FLVCR2: variants seen among roughly 807,000 people sequenced by gnomAD.
FLVCR2 encodes the protein FLVCR choline and putative heme transporter 2, also known as choline/ethanolamine transporter FLVCR2.
FLVCR2 carries 38 observed loss-of-function variants against 48.9 expected under a neutral mutation model. The observed-to-expected ratio is 0.78, with a 90% CI of 0.60 to 1.02. The LOEUF (loss-of-function observed/expected upper bound fraction) is 1.02, where lower values mean the gene tolerates loss of function less well. Ranked by LOEUF, FLVCR2 falls within the 50% of genes least tolerant of loss-of-function variation. The pLI, the probability that FLVCR2 is intolerant of heterozygous loss-of-function variation, is 0.00. For missense variants in FLVCR2, 664 were observed against 663.3 expected (o/e 1.00, Z -0.01); for synonymous variants, 255 against 257.0 (o/e 0.99, Z 0.07).
chr14:75,590,183 C>G (rs979833413), intron 1 of FLVCR2, among the ~76,000 whole-genome samples: 1 of 152,194 alleles, frequency 6.6e-6, no homozygotes, highest in Non-Finnish European at 1.5e-5. Context: ...ACAACCCACT[C>G]TCTTAGGAAC....
At chr14:75,611,300 G>T (rs1489806782) in intron 1 of FLVCR2, among the ~76,000 whole-genome samples, 4 of 152,188 alleles carry the variant, frequency 2.6e-5, no homozygotes, top group Non-Finnish European at 5.9e-5. Context: ...AGTGTCGGGT[G>T]TGAGGGCAGT....
intron 1 of FLVCR2, chr14:75,604,320 T>G: frequency 6.6e-6 from 1 of 152,266 alleles, no homozygotes; most frequent in East Asian, 1.9e-4. Context: ...TTCATAGGTT[T>G]GGGCTTCTTT....
chr14:75,611,933 A>C (rs1889465534), intron 1 of FLVCR2, among the ~76,000 whole-genome samples: 1 of 152,178 alleles, frequency 6.6e-6, no homozygotes, highest in African/African-American at 2.4e-5. Context: ...ATTTAAGACC[A>C]GCGCCTTTAA....
At chr14:75,591,028 C>T (rs765614774) in intron 1 of FLVCR2, among the ~76,000 whole-genome samples, 16 of 152,158 alleles carry the variant, frequency 1.1e-4, no homozygotes, top group Non-Finnish European at 1.8e-4. Context: ...CAATATACAA[C>T]GGTTGCACAG....
chr14:75,621,500 A>G (rs192257274), intron 1 of FLVCR2, among the ~76,000 whole-genome samples: 3 of 152,080 alleles, frequency 2.0e-5, no homozygotes, highest in African/African-American at 4.8e-5. Context: ...CCTATCTCCT[A>G]TGTGTATAAA....
chr14:75,613,824 T>G (rs1889530138), intron 1 of FLVCR2, among the ~76,000 whole-genome samples: 1 of 152,188 alleles, frequency 6.6e-6, no homozygotes, highest in Non-Finnish European at 1.5e-5. Context: ...GTGCTGGGAT[T>G]ATAGGCATGA....
chr14:75,589,731 C>T (rs1025325787), intron 1 of FLVCR2, among the ~76,000 whole-genome samples: 2 of 152,250 alleles, frequency 1.3e-5, no homozygotes. Context: ...GCCACCATGG[C>T]ACCATAGCTC....
intron 1 of FLVCR2, among the ~76,000 whole-genome samples, chr14:75,613,444 T>C (rs1490749181): frequency 6.6e-6 from 1 of 152,172 alleles, no homozygotes; most frequent in East Asian, 1.9e-4. Flanking sequence ...GGAATGATGA[T>C]GGCACTAAAC....
rs1890302072 is a variant in FLVCR2, at chr14:75,641,225, A to G, written c.1385A>G (p.Asp462Gly). 1 of 1,614,042 alleles carries G rather than the reference A, an allele frequency of 6.2e-7. No homozygotes were observed. The highest frequency in any genetic ancestry group is 1.3e-5 in the African/African-American group (1 of 74,994). Reference protein sequence around the residue: ...IFTISQGQIIDNYGTKPGNIF... With the variant: ...IFTISQGQIIGNYGTKPGNIF... The stretch of plus-strand genomic sequence containing the variant: ...ACCATCTCCCAGGGCCAGATTATTG[A>G]CAACTATGGAACCAAGCCTGGGAAC... The change falls in exon 8 of 10, where the codon GAC becomes GGC. Residue 462 changes from aspartate (D) to glycine (G), a missense_variant. Transcript: ENST00000238667.
At position 75,579,236 on chromosome 14, in the gene FLVCR2, C is replaced by T; in HGVS notation, c.264C>T (p.Val88=). 3 of 1,614,200 alleles carry T rather than the reference C, an allele frequency of 1.9e-6. No individual in the cohort carries two copies. The highest frequency in any genetic ancestry group is 2.5e-6 in the Non-Finnish European group (3 of 1,180,042). ...IKVSRRRWAV[V]LVFSCYSMCN... is the part of the protein sequence containing the mutation. The stretch of plus-strand genomic sequence containing the variant: ...TGAGCAGGCGCCGTTGGGCCGTGGT[C>T]CTGGTGTTTAGCTGCTACTCCATGT... Residue 88 remains valine, a synonymous_variant, in exon 1 of 10, where the codon GTC becomes GTT. Transcript: ENST00000238667.
chr14:75,609,715 AG>A (rs1441781033), intron 1 of FLVCR2, among the ~76,000 whole-genome samples: 2 of 152,192 alleles, frequency 1.3e-5, no homozygotes, highest in Admixed American at 1.3e-4. Context: ...TCAGAATAGG[AG>A]GGCTATTACC....
rs1046953112 is a variant in FLVCR2, at chr14:75,646,702, C to T, written c.*230C>T. Reference sequence around the variant, plus strand: ...GCAAATTTGATTCCCACCTCCACCCCCTTTTAGGTTATGGGAGTTGGTGTT... The same window carrying T: ...GCAAATTTGATTCCCACCTCCACCCTCTTTTAGGTTATGGGAGTTGGTGTT... On this transcript the variant is annotated 3_prime_UTR_variant, in exon 10 of 10. Coordinates refer to ENST00000238667, the MANE Select transcript of FLVCR2 (RefSeq NM_017791.3). 12 of 554,640 alleles carry T rather than the reference C, an allele frequency of 2.2e-5. No homozygotes were observed. The African/African-American group carries it at 2.2e-4, about 10-fold the overall frequency. The allele number at this position is 554,640 out of a possible 1,614,324, so 34.4% of individuals were successfully genotyped here.
At position 75,579,465 on chromosome 14, in the gene FLVCR2, G is replaced by C. The variant is rs1888540828; in HGVS notation, c.493G>C (p.Ala165Pro). 1 of 1,613,676 alleles carries C rather than the reference G, an allele frequency of 6.2e-7. No individual in the cohort carries two copies. Among genetic ancestry groups the C allele is most frequent in the Non-Finnish European group, 8.5e-7 (1 of 1,179,752 alleles). The change falls in exon 1 of 10, where the codon GCC becomes CCC. Residue 165 changes from alanine (A) to proline (P), a missense_variant. By Grantham distance (27) the Ala-to-Pro change is conservative. Coordinates refer to ENST00000238667, the MANE Select transcript of FLVCR2 (RefSeq NM_017791.3). ...LTGSALNCLG[A>P]WVKLGSLKPH... ...TGGCTCGGCTCTCAACTGCCTGGGG[G>C]CCTGGGTGAAGCTGGGCAGCCTGAA... is the stretch of plus-strand genomic sequence containing the variant.
At chr14:75,596,293 C>G in intron 1 of FLVCR2, 1 of 486,814 alleles carries the variant, frequency 2.1e-6, no homozygotes, top group Non-Finnish European at 3.7e-6. Context: ...GGAGAGTAGA[C>G]AAGGGCTGGG....
chr14:75,593,590 C>T (rs999694577), intron 1 of FLVCR2, among the ~76,000 whole-genome samples: 1 of 152,124 alleles, frequency 6.6e-6, no homozygotes, highest in African/African-American at 2.4e-5. Context: ...GGAGGATCCT[C>T]CCCCATGATC....
At chr14:75,632,483 T>C (rs746288661) in intron 3 of FLVCR2, 2 of 603,368 alleles carry the variant, frequency 3.3e-6, no homozygotes, top group Non-Finnish European at 5.9e-6. Context: ...CCCTACGGAA[T>C]TGTTACAAGT....
intron 1 of FLVCR2, among the ~76,000 whole-genome samples, chr14:75,610,641 G>C (rs937266134): frequency 6.6e-6 from 1 of 152,206 alleles, no homozygotes; most frequent in African/African-American, 2.4e-5. Context: ...TATAAACCGG[G>C]TGAGAGTGAG....
At chr14:75,595,956 T>C (rs1444949862) in intron 1 of FLVCR2, 13 of 1,511,950 alleles carry the variant, frequency 8.6e-6, no homozygotes, top group Non-Finnish European at 1.2e-5. Context: ...GGGTTCATTT[T>C]TCTTTGCATA....
Position 75,624,409 on chromosome 14 carries a change from TATC to T in FLVCR2, c.812-201_812-199del, listed in dbSNP as rs148226295. Among the ~76,000 whole-genome samples the T allele has an allele frequency of 8.0e-3, 1,202 of 150,652 alleles. 11 individuals carry two copies. The highest frequency in any genetic ancestry group is 0.016 in the African/African-American group (660 of 41,088). Reference sequence around the variant, plus strand: ...GCATAAAAAATAAAAAAGTGAATGGTATCAAAGGACCATTCACTCAGCCTCAAA... The same window carrying T: ...GCATAAAAAATAAAAAAGTGAATGGTAAAGGACCATTCACTCAGCCTCAAA... On this transcript the variant is annotated intron_variant, in intron 2 of 9. Transcript: ENST00000238667.
Sources: gnomAD v4.1 joint callset for allele counts (sites outside exome capture counted in the v4.1 genomes callset) on GRCh38, gnomAD v4.1.1 for gene constraint, MANE v1.5 for transcripts, NCBI Gene and HGNC (gene_info 2026-07-23, HGNC 2026-07-21) for gene names.